Variants in GHR observed in about 807,000 individuals in gnomAD.
GHR encodes the protein growth hormone receptor, also known as GH receptor.
In GHR, 35 loss-of-function variants were observed where a neutral mutation model predicts 67.1. The ratio of observed to expected loss-of-function variants is 0.52; its 90% CI spans 0.40 to 0.69. The LOEUF is 0.69. Ranked by LOEUF, GHR falls within the 30% of genes least tolerant of loss-of-function variation. The pLI is 0.00. For missense variants in GHR, 792 were observed against 764.6 expected (o/e 1.04, Z -0.42); for synonymous variants, 272 against 269.1 (o/e 1.01, Z -0.10).
chr5:42,506,092 G>A (rs1352157327), intron 1 of GHR, among the ~76,000 whole-genome samples: 2 of 152,156 alleles, frequency 1.3e-5, no homozygotes, highest in East Asian at 1.9e-4. Flanking sequence ...GAGCCGTGGT[G>A]TGTTCTTGAC....
At chr5:42,651,226 T>C (rs1755004255) in intron 3 of GHR, among the ~76,000 whole-genome samples, 1 of 152,184 alleles carries the variant, frequency 6.6e-6, no homozygotes, top group Non-Finnish European at 1.5e-5. Context: ...AAGGCTCTAC[T>C]TCTTTTTAAT....
At chr5:42,482,328 A>C (rs1252513314) in intron 1 of GHR, among the ~76,000 whole-genome samples, 1 of 152,202 alleles carries the variant, frequency 6.6e-6, no homozygotes, top group Non-Finnish European at 1.5e-5. Context: ...CTCAGGGGTC[A>C]GGGACCCACT....
chr5:42,673,091 T>C (rs1229847853), intron 3 of GHR, among the ~76,000 whole-genome samples: 3 of 152,046 alleles, frequency 2.0e-5, no homozygotes, highest in East Asian at 3.9e-4. Flanking sequence ...CATTTAAAAA[T>C]GGGCAAGCAG....
chr5:42,457,278 C>A (rs556935549), intron 1 of GHR, among the ~76,000 whole-genome samples: 1 of 152,234 alleles, frequency 6.6e-6, no homozygotes, highest in East Asian at 1.9e-4. Context: ...TTTATAGGTT[C>A]AAAATATGCA....
At chr5:42,605,628 G>C (rs13158299) in intron 2 of GHR, among the ~76,000 whole-genome samples, 1 of 152,212 alleles carries the variant, frequency 6.6e-6, no homozygotes, top group South Asian at 2.1e-4. Context: ...CTGCAGTCCA[G>C]ATAGAGGATC....
intron 3 of GHR, among the ~76,000 whole-genome samples, chr5:42,680,227 A>G (rs1479037476): frequency 6.6e-6 from 1 of 152,196 alleles, no homozygotes; most frequent in Non-Finnish European, 1.5e-5. Context: ...CAGTCCTCAG[A>G]ACATATGAAA....
At chr5:42,532,526 C>G (rs2112344968) in intron 1 of GHR, among the ~76,000 whole-genome samples, 1 of 152,156 alleles carries the variant, frequency 6.6e-6, no homozygotes, top group South Asian at 2.1e-4. Flanking sequence ...TTGAAGGCCC[C>G]CGTTTTACCT....
At chr5:42,513,514 G>A (rs1398129243) in intron 1 of GHR, among the ~76,000 whole-genome samples, 18 of 152,134 alleles carry the variant, frequency 1.2e-4, no homozygotes, top group African/African-American at 7.2e-5. Context: ...GGGGCCAGGC[G>A]CGGTACTGTA....
intron 1 of GHR, among the ~76,000 whole-genome samples, chr5:42,470,096 ATATG>A (rs1322165367): frequency 3.6e-4 from 53 of 147,368 alleles, no homozygotes; most frequent in Non-Finnish European, 5.4e-4. Flanking sequence ...ATATTATATT[ATATG>A]TCAATAATAA....
chr5:42,517,754 TG>T (rs922116665), intron 1 of GHR, among the ~76,000 whole-genome samples: 1 of 152,144 alleles, frequency 6.6e-6, no homozygotes, highest in African/African-American at 2.4e-5. Flanking sequence ...AGACTTAAAG[TG>T]AAGTTAGGTT....
rs148387362 is a variant in GHR, at chr5:42,718,509, C to T, written c.1002C>T (p.Pro334=). Residue 334 remains proline, a synonymous_variant, in exon 10 of 10, where the codon CCC becomes CCT. Transcript: ENST00000230882. ...TAGCCATTCATGATAGCTATAAACC[C>T]GAATTCCACAGTGATGACTCTTGGG... ...TILAIHDSYK[P]EFHSDDSWVE... is the part of the protein sequence containing the mutation. 2.4e-5 allele frequency: 39 copies of T among 1,612,452 alleles called. No homozygotes were observed. The highest frequency in any genetic ancestry group is 2.2e-5 in the East Asian group (1 of 44,898).
At chr5:42,542,308 G>A (rs980299317) in intron 1 of GHR, among the ~76,000 whole-genome samples, 8 of 152,150 alleles carry the variant, frequency 5.3e-5, no homozygotes, top group Admixed American at 5.2e-4. Flanking sequence ...GGTTAAATAA[G>A]ATGATTAAGA....
At chr5:42,498,640 G>T (rs1184840817) in intron 1 of GHR, among the ~76,000 whole-genome samples, 1 of 152,186 alleles carries the variant, frequency 6.6e-6, no homozygotes, top group Non-Finnish European at 1.5e-5. Context: ...AAAAGAAGGT[G>T]CAGAGTAAAA....
Position 42,424,474 on chromosome 5 carries a change from T to C in GHR, c.-12+519T>C. ...ACTGGAGAGACTGGGGAGGTCGAGC[T>C]GTGCGCGTGGACACAGCGCGCAGAG... On this transcript the variant is annotated intron_variant, in intron 1 of 9. Coordinates refer to ENST00000230882, the MANE Select transcript of GHR (RefSeq NM_000163.5). The surrounding 1 kb of genome is among the most constrained non-coding windows in gnomAD (Gnocchi z 4.1). The C allele has an allele frequency of 1.2e-6, 1 of 836,054 alleles. No homozygotes were observed. The highest frequency in any genetic ancestry group is 1.5e-5 in the South Asian group (1 of 68,866). The allele number at this position is 836,054 out of a possible 1,614,324, so 51.8% of individuals were successfully genotyped here.
At position 42,590,275 on chromosome 5, in the gene GHR, AAATAAT is replaced by A. The variant is rs549924862; in HGVS notation, c.70+24343_70+24348del. Among the ~76,000 whole-genome samples, 14 of 152,292 alleles carry A rather than the reference AAATAAT, an allele frequency of 9.2e-5. No homozygotes were observed. In the East Asian group the frequency reaches 1.9e-3, roughly 21 times the overall value. ...TTCTACTTTCAAATGTAGTGTTTCAAAATAATAATAATAATAAAGATTTCAGGACAG... is the reference window on the plus strand; with the variant it reads ...TTCTACTTTCAAATGTAGTGTTTCAAAATAATAATAAAGATTTCAGGACAG... On this transcript the variant is annotated intron_variant, in intron 2 of 9. Coordinates refer to ENST00000230882, the MANE Select transcript of GHR (RefSeq NM_000163.5).
rs572287035 is a variant in GHR, at chr5:42,676,541, G to A, written c.137-12349G>A. On this transcript the variant is annotated intron_variant, in intron 3 of 9. Coordinates refer to ENST00000230882, the MANE Select transcript of GHR (RefSeq NM_000163.5). ...CCTGCCAGTAGCCTATACTATTTTT[G>A]GAATGGAGTGTTTGCAGTTTCATAA... is the stretch of plus-strand genomic sequence containing the variant. Among the ~76,000 whole-genome samples the A allele has an allele frequency of 3.9e-5, 6 of 151,964 alleles. 1 individual carries two copies. In the East Asian group the frequency reaches 9.7e-4, roughly 24 times the overall value.
chr5:42,713,916 A>T (rs1464244767), intron 8 of GHR: 4 of 160,264 alleles, frequency 2.5e-5, no homozygotes, highest in Non-Finnish European at 2.7e-5. Flanking sequence ...TATACAGACA[A>T]TTTTTTTTTT....
intron 1 of GHR, among the ~76,000 whole-genome samples, chr5:42,499,338 A>G (rs1746443103): frequency 6.6e-6 from 1 of 152,214 alleles, no homozygotes; most frequent in African/African-American, 2.4e-5. Flanking sequence ...TTCAGTCAGC[A>G]CTAGCTTTTA....
intron 1 of GHR, among the ~76,000 whole-genome samples, chr5:42,466,612 A>G (rs1027733246): frequency 3.3e-5 from 5 of 152,224 alleles, no homozygotes; most frequent in Admixed American, 2.0e-4. Flanking sequence ...ACTTTGTATG[A>G]CCCATTCCTA....
Sources: allele counts gnomAD v4.1 joint callset (sites outside exome capture counted in the v4.1 genomes callset), GRCh38; gene constraint gnomAD v4.1.1; non-coding constraint Gnocchi (gnomAD v3.1); transcripts MANE v1.5; gene names NCBI Gene and HGNC (gene_info 2026-07-23, HGNC 2026-07-21).